SLC8A3: variants seen among roughly 807,000 people sequenced by gnomAD.
The protein encoded by SLC8A3 is solute carrier family 8 member A3, also known as sodium/calcium exchanger 3.
SLC8A3 carries 37 observed loss-of-function variants against 65.4 expected under a neutral mutation model. The observed-to-expected ratio is 0.57, with a 90% CI of 0.44 to 0.74. SLC8A3 has a LOEUF of 0.74. SLC8A3 is among the 30% of genes least tolerant of loss of function. The pLI is 0.00. For missense variants in SLC8A3, 1,112 were observed against 1,172.1 expected (o/e 0.95, Z 0.75); for synonymous variants, 461 against 444.5 (o/e 1.04, Z -0.47).
intron 2 of SLC8A3, among the ~76,000 whole-genome samples, chr14:70,154,131 C>T (rs180690498): frequency 1.3e-5 from 2 of 152,224 alleles, no homozygotes; most frequent in Non-Finnish European, 2.9e-5. Flanking sequence ...AAGAAGCCAA[C>T]TCCTTAAAGA....
Position 70,049,058 on chromosome 14 carries a change from A to G in SLC8A3, c.2114-16T>C. On this transcript the variant is annotated splice_polypyrimidine_tract_variant and intron_variant, in intron 5 of 6. Transcript: ENST00000356921. Reference sequence around the variant, plus strand: ...TCATCCCCTGCTGAAGGCAAGATAAACAGGCAAGAGAACGGGTAACGAAGT... The same window carrying G: ...TCATCCCCTGCTGAAGGCAAGATAAGCAGGCAAGAGAACGGGTAACGAAGT... 3 of 1,593,798 alleles carry G rather than the reference A, an allele frequency of 1.9e-6. No homozygotes were observed. The highest frequency in any genetic ancestry group is 2.6e-6 in the Non-Finnish European group (3 of 1,168,028).
chr14:70,141,476 T>C (rs893302952), intron 2 of SLC8A3, among the ~76,000 whole-genome samples: 16 of 152,326 alleles, frequency 1.1e-4, no homozygotes, highest in African/African-American at 3.6e-4. Flanking sequence ...ATGACTTACA[T>C]TTATTACAGG....
intron 2 of SLC8A3, among the ~76,000 whole-genome samples, chr14:70,062,604 G>A (rs1161789009): frequency 6.6e-6 from 1 of 152,148 alleles, no homozygotes; most frequent in Non-Finnish European, 1.5e-5. Flanking sequence ...ATTTTCCCAC[G>A]ATGACAAAAT....
At chr14:70,100,157 C>G (rs1892467490) in intron 2 of SLC8A3, among the ~76,000 whole-genome samples, 1 of 152,218 alleles carries the variant, frequency 6.6e-6, no homozygotes, top group Non-Finnish European at 1.5e-5. Context: ...GCACTGCATT[C>G]AATCATCCCT....
At chr14:70,141,616 C>A (rs1439940828) in intron 2 of SLC8A3, among the ~76,000 whole-genome samples, 2 of 152,152 alleles carry the variant, frequency 1.3e-5, no homozygotes, top group Non-Finnish European at 2.9e-5. Context: ...TTCAGTAGGA[C>A]AAAAGAGTTC....
intron 1 of SLC8A3, among the ~76,000 whole-genome samples, chr14:70,175,553 G>A (rs1419244825): frequency 3.3e-5 from 5 of 152,038 alleles, no homozygotes; most frequent in African/African-American, 7.2e-5. Context: ...AGCCTTCCCC[G>A]AAAATGCATC....
chr14:70,084,250 G>A (rs1891266900), intron 2 of SLC8A3, among the ~76,000 whole-genome samples: 3 of 152,160 alleles, frequency 2.0e-5, no homozygotes, highest in Non-Finnish European at 4.4e-5. Flanking sequence ...GATGGAGGTG[G>A]TATCTCACAT....
intron 2 of SLC8A3, among the ~76,000 whole-genome samples, chr14:70,097,687 G>GT (rs971494423): frequency 7.9e-5 from 12 of 151,600 alleles, no homozygotes; most frequent in African/African-American, 2.7e-4. Flanking sequence ...GCTGCATGTG[G>GT]TTTTTTTTTA....
intron 2 of SLC8A3, among the ~76,000 whole-genome samples, chr14:70,061,792 A>T (rs150957): frequency 0.13 from 20,093 of 152,078 alleles, 1,770 homozygotes; most frequent in East Asian, 0.39. Flanking sequence ...CTTAGGGGTG[A>T]TGTGTTCCAA....
intron 2 of SLC8A3, among the ~76,000 whole-genome samples, chr14:70,087,379 C>T (rs1378925876): frequency 2.0e-5 from 3 of 152,168 alleles, no homozygotes; most frequent in African/African-American, 4.8e-5. Context: ...GGAACATTGG[C>T]CGCTGATGTA....
At chr14:70,060,623 A>G (rs752064542) in intron 3 of SLC8A3, 1 of 703,736 alleles carries the variant, frequency 1.4e-6, no homozygotes, top group South Asian at 1.4e-5. Context: ...GCTAAGGCTA[A>G]GAAGGCAGAG....
At chr14:70,075,383 G>T (rs139151251) in intron 2 of SLC8A3, among the ~76,000 whole-genome samples, 1 of 152,130 alleles carries the variant, frequency 6.6e-6, no homozygotes, top group African/African-American at 2.4e-5. Context: ...GCCATAGGCC[G>T]CGTATCCTTC....
Position 70,091,246 on chromosome 14 carries a change from G to A in SLC8A3, c.1785-30307C>T, listed in dbSNP as rs144274126. On this transcript the variant is annotated intron_variant, in intron 2 of 6. Coordinates refer to ENST00000356921, the MANE Select transcript of SLC8A3 (RefSeq NM_182932.3). Reference sequence around the variant, plus strand: ...TATTATGGGATTTAATTTTATGGCAGCAGAGCTCTGATTTTATAATGGAAA... The same window carrying A: ...TATTATGGGATTTAATTTTATGGCAACAGAGCTCTGATTTTATAATGGAAA... Among the ~76,000 whole-genome samples the A allele has an allele frequency of 7.4e-3, 1,122 of 152,212 alleles. 10 individuals are homozygous for A. Among genetic ancestry groups the A allele is most frequent in the African/African-American group, 0.025 (1,057 of 41,530 alleles).
intron 2 of SLC8A3, among the ~76,000 whole-genome samples, chr14:70,125,700 G>A (rs1043737879): frequency 1.3e-5 from 2 of 152,084 alleles, no homozygotes; most frequent in Non-Finnish European, 2.9e-5. Context: ...ACCCAAAAGT[G>A]GGATTGCTGG....
intron 2 of SLC8A3, among the ~76,000 whole-genome samples, chr14:70,124,215 C>T (rs1441745822): frequency 2.6e-5 from 4 of 152,116 alleles, no homozygotes; most frequent in African/African-American, 9.7e-5. Context: ...ATGCTGAAGC[C>T]ACTTCAGAAC....
At chr14:70,162,325 A>C (rs1896942372) in intron 2 of SLC8A3, among the ~76,000 whole-genome samples, 1 of 152,220 alleles carries the variant, frequency 6.6e-6, no homozygotes, top group African/African-American at 2.4e-5. Context: ...TTCCAACTCT[A>C]ACTTTCTATC....
chr14:70,102,952 C>G (rs1892636124), intron 2 of SLC8A3, among the ~76,000 whole-genome samples: 2 of 151,884 alleles, frequency 1.3e-5, no homozygotes, highest in African/African-American at 4.8e-5. Context: ...AAGTTAGAAG[C>G]TCAAGGAACA....
chr14:70,169,061 A>G (rs1897334650), intron 1 of SLC8A3, among the ~76,000 whole-genome samples: 3 of 152,284 alleles, frequency 2.0e-5, no homozygotes, highest in African/African-American at 7.2e-5. Context: ...TGTACATGCC[A>G]TTATTCTCAA....
At chr14:70,186,062 G>A (rs970377465) in intron 1 of SLC8A3, among the ~76,000 whole-genome samples, 6 of 152,192 alleles carry the variant, frequency 3.9e-5, no homozygotes, top group African/African-American at 1.2e-4. Context: ...TAATCCCTAC[G>A]TGTCCTGGGA....
Sources: allele counts gnomAD v4.1 joint callset (sites outside exome capture counted in the v4.1 genomes callset), GRCh38; gene constraint gnomAD v4.1.1; transcripts MANE v1.5; gene names NCBI Gene and HGNC (gene_info 2026-07-23, HGNC 2026-07-21).